Variants in IFNG observed in about 807,000 individuals in gnomAD.
IFNG encodes the protein interferon gamma, also known as IFN-gamma.
A neutral mutation model predicts 14.4 loss-of-function variants in IFNG; 8 were observed. That is an observed-to-expected ratio of 0.56 (90% CI 0.33 to 1.00). The LOEUF is 1.00. IFNG is among the 50% of genes least tolerant of loss of function. IFNG has a pLI of 0.03. For missense variants in IFNG, 132 were observed against 194.9 expected (o/e 0.68, Z 1.92); for synonymous variants, 73 against 65.4 (o/e 1.12, Z -0.56).
intron 3 of IFNG, 108 bp from the exon 4 acceptor site, chr12:68,155,595 G>T (rs1434405294): frequency 4.1e-6 from 4 of 963,906 alleles, no homozygotes; most frequent in Non-Finnish European, 3.0e-6. Context: ...TTAAAAAATG[G>T]ACCGTATTAC....
chr12:68,158,159 GA>G, intron 2 of IFNG, 31 bp downstream of exon 2: 1 of 1,596,460 alleles, frequency 6.3e-7, no homozygotes, highest in East Asian at 2.2e-5. Flanking sequence ...CAAGCAACAG[GA>G]AAATTAGCCA....
chr12:68,155,957 G>A (rs1882594132), intron 3 of IFNG, among the ~76,000 whole-genome samples: 1 of 152,080 alleles, frequency 6.6e-6, no homozygotes. Flanking sequence ...AGTAACTATA[G>A]GTCAATGATT....
Position 68,155,325 on chromosome 12 carries a change from A to G in IFNG, c.*28T>C. 1 of 1,524,266 alleles carries G rather than the reference A, an allele frequency of 6.6e-7. No individual in the cohort carries two copies. The highest frequency in any genetic ancestry group is 8.9e-7 in the Non-Finnish European group (1 of 1,128,780). The allele number at this position is 1,524,266 out of a possible 1,614,324, so 94.4% of individuals were successfully genotyped here. A position where few individuals can be genotyped will look rare whatever the true frequency, so the allele number is the denominator to read the frequency against. ...TATTAATAAATAGATTTAGATTTAA[A>G]ATTCAAATATTGCAGGCAGGACAAC... is the stretch of plus-strand genomic sequence containing the variant. On this transcript the variant is annotated 3_prime_UTR_variant, in exon 4 of 4. Transcript: ENST00000229135.
intron 3 of IFNG, among the ~76,000 whole-genome samples, chr12:68,156,717 T>G (rs1882607058): frequency 6.6e-6 from 1 of 152,118 alleles, no homozygotes; most frequent in South Asian, 2.1e-4. Context: ...AGATTTTACT[T>G]TCCAATGTTC....
Position 68,159,638 on chromosome 12 carries a change from A to C in IFNG, c.-23T>G, listed in dbSNP as rs1882657015. 7.7e-7 allele frequency: 1 copy of C among 1,303,924 alleles called. No homozygotes were observed. The highest frequency in any genetic ancestry group is 1.2e-5 in the South Asian group (1 of 81,242). The allele number at this position is 1,303,924 out of a possible 1,614,324, so 80.8% of individuals were successfully genotyped here. A position where few individuals can be genotyped will look rare whatever the true frequency, so the allele number is the denominator to read the frequency against. The stretch of plus-strand genomic sequence containing the variant: ...CATCGTTTCCGAGAGAATTAAGCCA[A>C]AGAAGTTGAAATCAGTAGTTCTTGT... On this transcript the variant is annotated 5_prime_UTR_variant, in exon 1 of 4. Transcript: ENST00000229135.
chr12:68,158,223 GA>G lies in IFNG; in HGVS notation c.150del (p.Leu51PhefsTer3). ...CAATTCTTCAAAATGCCTAAGAAAA[GA>G]GTTCCATTATCCGCTACATCTGAAT... is the stretch of plus-strand genomic sequence containing the variant. ...AGHSDVADNG[T>X]LFLGILKNWK... On this transcript the variant is annotated frameshift_variant, in exon 2 of 4. Transcript: ENST00000229135. LOFTEE classifies it high-confidence loss of function. 1 of 1,605,740 alleles carries G rather than the reference GA, an allele frequency of 6.2e-7. No homozygotes were observed. Among genetic ancestry groups the G allele is most frequent in the Non-Finnish European group, 8.5e-7 (1 of 1,176,782 alleles).
rs561202933 is a variant in IFNG, at chr12:68,155,253, T to A, written c.*100A>T. The A allele has an allele frequency of 2.6e-6, 2 of 762,100 alleles. No individual in the cohort carries two copies. Among genetic ancestry groups the A allele is most frequent in the East Asian group, 6.0e-5 (2 of 33,138 alleles). 47.2% of individuals were successfully genotyped at this position (762,100 alleles called of 1,614,324 possible). Reference sequence around the variant, plus strand: ...AAAAGTTGCTATTATAAATACTTATTTGATTGATGAGTCTAAAAATATATT... The same window carrying A: ...AAAAGTTGCTATTATAAATACTTATATGATTGATGAGTCTAAAAATATATT... On this transcript the variant is annotated 3_prime_UTR_variant, in exon 4 of 4. Coordinates refer to ENST00000229135, the MANE Select transcript of IFNG (RefSeq NM_000619.3).
intron 3 of IFNG, among the ~76,000 whole-genome samples, chr12:68,156,032 G>A (rs1043519209): frequency 1.1e-4 from 17 of 152,170 alleles, no homozygotes; most frequent in African/African-American, 3.9e-4. Context: ...CCAGGTGCAT[G>A]AAGTGGAAGG....
chr12:68,159,482 T>G lies in IFNG; in HGVS notation c.114+20A>C, dbSNP rs1263568547. The G allele has an allele frequency of 4.3e-6, 5 of 1,166,568 alleles. No homozygotes were observed. The Admixed American group carries it at 9.3e-5, about 22-fold the overall frequency. The allele number at this position is 1,166,568 out of a possible 1,614,324, so 72.3% of individuals were successfully genotyped here. A position where few individuals can be genotyped will look rare whatever the true frequency, so the allele number is the denominator to read the frequency against. On this transcript the variant is annotated intron_variant, in intron 1 of 3. Transcript: ENST00000229135. The stretch of plus-strand genomic sequence containing the variant: ...GTCATTTTCAACCACAAACAAGTAC[T>G]ATTAAAAAGTCATACTTACAAAATA...
At chr12:68,156,688 C>A (rs1882606463) in intron 3 of IFNG, among the ~76,000 whole-genome samples, 1 of 151,980 alleles carries the variant, frequency 6.6e-6, no homozygotes, top group African/African-American at 2.4e-5. Context: ...TTTCGACAAG[C>A]TGTGTGTTTG....
intron 1 of IFNG, among the ~76,000 whole-genome samples, chr12:68,159,180 C>A (rs1458107140): frequency 6.6e-6 from 1 of 151,966 alleles, no homozygotes; most frequent in Non-Finnish European, 1.5e-5. Context: ...TCATTTTTTT[C>A]AATCTGCATA....
intron 1 of IFNG, among the ~76,000 whole-genome samples, chr12:68,159,283 T>A (rs1345368131): frequency 6.6e-6 from 1 of 152,248 alleles, no homozygotes; most frequent in Non-Finnish European, 1.5e-5. Flanking sequence ...TTTGGAAAAT[T>A]CATAAATCCC....
Position 68,155,163 on chromosome 12 carries a change from G to A in IFNG, c.*190C>T, listed in dbSNP as rs1882581197. 2.7e-6 allele frequency: 1 copy of A among 373,854 alleles called. No individual in the cohort carries two copies. The allele number at this position is 373,854 out of a possible 1,614,324, so 23.2% of individuals were successfully genotyped here. A position where few individuals can be genotyped will look rare whatever the true frequency, so the allele number is the denominator to read the frequency against. Reference sequence around the variant, plus strand: ...AGTCAGAAAACAAAGGATTAAGTGAGACAGTCACAGGATATAGGAATTATA... The same window carrying A: ...AGTCAGAAAACAAAGGATTAAGTGAAACAGTCACAGGATATAGGAATTATA... On this transcript the variant is annotated 3_prime_UTR_variant, in exon 4 of 4. Coordinates refer to ENST00000229135, the MANE Select transcript of IFNG (RefSeq NM_000619.3).
chr12:68,158,966 C>T (rs2120749485), intron 1 of IFNG, among the ~76,000 whole-genome samples: 1 of 152,238 alleles, frequency 6.6e-6, no homozygotes, highest in Non-Finnish European at 1.5e-5. Context: ...TCCCAGTGAG[C>T]AACGAAGTTC....
At chr12:68,156,894 G>A (rs1333124286) in intron 3 of IFNG, among the ~76,000 whole-genome samples, 1 of 152,110 alleles carries the variant, frequency 6.6e-6, no homozygotes, top group African/African-American at 2.4e-5. Flanking sequence ...GTGAGAGGCA[G>A]GCCCAGCAAT....
At chr12:68,157,770 G>T in intron 3 of IFNG, 143 bp downstream of exon 3, 1 of 593,996 alleles carries the variant, frequency 1.7e-6, no homozygotes, top group East Asian at 2.7e-5. Context: ...AAACACGAAT[G>T]GAAATAGTAA....
rs199708992 is a variant in IFNG at position 68,158,176 on chromosome 12, G to A, written c.183+15C>T. The A allele has an allele frequency of 2.5e-6, 4 of 1,603,220 alleles. No homozygotes were observed. Among genetic ancestry groups the A allele is most frequent in the Non-Finnish European group, 3.4e-6 (4 of 1,174,962 alleles). ...AGCAACAGGAAAATTAGCCAAATGG[G>A]AATATTCAGCTTACCTCTTTCCAAT... On this transcript the variant is annotated intron_variant, in intron 2 of 3. Coordinates refer to ENST00000229135, the MANE Select transcript of IFNG (RefSeq NM_000619.3).
At chr12:68,159,190 A>G (rs974332818) in intron 1 of IFNG, among the ~76,000 whole-genome samples, 1 of 152,118 alleles carries the variant, frequency 6.6e-6, no homozygotes, top group Non-Finnish European at 1.5e-5. Flanking sequence ...CAATCTGCAT[A>G]CTCCTTGACT....
chr12:68,157,873 C>T, intron 3 of IFNG, 40 bp downstream of exon 3: 1 of 1,444,574 alleles, frequency 6.9e-7, no homozygotes, highest in Non-Finnish European at 9.5e-7. Context: ...TTGCAAGACC[C>T]TCGGCAATGA....
Sources: allele counts gnomAD v4.1 joint callset (sites outside exome capture counted in the v4.1 genomes callset), GRCh38; gene constraint gnomAD v4.1.1; transcripts MANE v1.5; gene names NCBI Gene and HGNC (gene_info 2026-07-23, HGNC 2026-07-21).